KIAA0232: variants seen among roughly 807,000 people sequenced by gnomAD.
KIAA0232 encodes uncharacterized protein KIAA0232.
KIAA0232 carries 27 observed loss-of-function variants against 122.0 expected under a neutral mutation model. That is an observed-to-expected ratio of 0.22 (90% CI 0.16 to 0.31). The LOEUF (loss-of-function observed/expected upper bound fraction) is 0.31. Among genes scored for constraint, KIAA0232 ranks in the 10% least tolerant of loss-of-function variants. The probability of loss-of-function intolerance (pLI) is 1.00; values close to 1 mark genes in which losing one functional copy is unlikely to be tolerated. For synonymous variants in KIAA0232, 613 were observed against 587.6 expected (o/e 1.04, Z -0.63); for missense variants, 1,551 against 1,634.2 (o/e 0.95, Z 0.88).
At chr4:6,823,409 G>A (rs189487410) in intron 2 of KIAA0232, among the ~76,000 whole-genome samples, 3 of 152,230 alleles carry the variant, frequency 2.0e-5, no homozygotes, top group Admixed American at 6.5e-5. Flanking sequence ...TGTAAGAAGT[G>A]TTCCTATTTC....
chr4:6,865,201 G>GT (rs1721105514), intron 7 of KIAA0232, among the ~76,000 whole-genome samples: 2 of 152,162 alleles, frequency 1.3e-5, no homozygotes, highest in African/African-American at 2.4e-5. Flanking sequence ...ACAATAAACT[G>GT]TTTCACAAAA....
chr4:6,863,502 T>C lies in KIAA0232; in HGVS notation c.3120T>C (p.Ser1040=), dbSNP rs377083995. The change falls in exon 7 of 10, where the codon TCT becomes TCC. Residue 1040 remains serine (S), a synonymous_variant. Transcript: ENST00000307659. ...VEDPGLEYSF[S]SFDLSNPFSQ... ...ATCCTGGACTTGAATACTCATTTTC[T>C]TCCTTTGACTTAAGCAATCCATTTT... 7 of 1,614,110 alleles carry C rather than the reference T, an allele frequency of 4.3e-6. No individual in the cohort carries two copies. The highest frequency in any genetic ancestry group is 5.9e-6 in the Non-Finnish European group (7 of 1,180,044).
At chr4:6,792,544 A>G (rs1462486906) in intron 1 of KIAA0232, among the ~76,000 whole-genome samples, 2 of 152,096 alleles carry the variant, frequency 1.3e-5, no homozygotes, top group Non-Finnish European at 2.9e-5. Flanking sequence ...TTAAGCACAG[A>G]TTTTTTATAT....
intron 2 of KIAA0232, among the ~76,000 whole-genome samples, chr4:6,814,247 A>G (rs1718013756): frequency 6.6e-6 from 1 of 152,118 alleles, no homozygotes; most frequent in Admixed American, 6.5e-5. Context: ...CTTTGCACTT[A>G]ACCACCTTGG....
intron 1 of KIAA0232, among the ~76,000 whole-genome samples, chr4:6,790,349 C>T (rs1217890108): frequency 2.1e-5 from 3 of 146,262 alleles, no homozygotes; most frequent in African/African-American, 7.6e-5. Context: ...TTTTCAAGCC[C>T]TTCCTTTTTT....
chr4:6,818,553 GA>G (rs1718252732), intron 2 of KIAA0232, among the ~76,000 whole-genome samples: 1 of 151,906 alleles, frequency 6.6e-6, no homozygotes, highest in South Asian at 2.1e-4. Flanking sequence ...CTGCAAGAAG[GA>G]CGATAAAATC....
Position 6,858,495 on chromosome 4 carries a change from T to C in KIAA0232, c.507T>C (p.Asp169=). Reference sequence around the variant, plus strand: ...CAGAATTATCCCCTCCAGCAAAGGATCAAGTGGAAATGTATGTAAGATTGT... The same window carrying C: ...CAGAATTATCCCCTCCAGCAAAGGACCAAGTGGAAATGTATGTAAGATTGT... ...PEAELSPPAK[D]QVEMYYEAFP... Residue 169 remains aspartate (D), a synonymous_variant, in exon 6 of 10, where the codon GAT becomes GAC. Coordinates refer to ENST00000307659, the MANE Select transcript of KIAA0232 (RefSeq NM_014743.3). 1 of 1,604,066 alleles carries C rather than the reference T, an allele frequency of 6.2e-7. No individual in the cohort carries two copies. Among genetic ancestry groups the C allele is most frequent in the Non-Finnish European group, 8.5e-7 (1 of 1,174,200 alleles).
chr4:6,785,947 C>T (rs1336684023), intron 1 of KIAA0232, among the ~76,000 whole-genome samples: 2 of 152,238 alleles, frequency 1.3e-5, no homozygotes, highest in African/African-American at 4.8e-5. Context: ...CACTCCCACT[C>T]CCTCCAGTTC....
intron 1 of KIAA0232, among the ~76,000 whole-genome samples, chr4:6,785,587 T>G (rs911829708): frequency 6.6e-6 from 1 of 152,258 alleles, no homozygotes; most frequent in South Asian, 2.1e-4. Context: ...TCAGATTACT[T>G]GCTTTGCTTA....
chr4:6,795,149 C>T (rs1717073503), intron 1 of KIAA0232, among the ~76,000 whole-genome samples: 1 of 152,208 alleles, frequency 6.6e-6, no homozygotes, highest in South Asian at 2.1e-4. Context: ...CGGCTTACTG[C>T]AAGCTCCGCC....
intron 6 of KIAA0232, 130 bp downstream of exon 6, chr4:6,858,636 G>A (rs545133152): frequency 1.1e-4 from 67 of 611,082 alleles, no homozygotes; most frequent in Non-Finnish European, 1.6e-4. Context: ...AACATTTATC[G>A]AGCGCTTATA....
chr4:6,875,938 G>A (rs1721726561), intron 8 of KIAA0232, among the ~76,000 whole-genome samples: 1 of 152,146 alleles, frequency 6.6e-6, no homozygotes, highest in Non-Finnish European at 1.5e-5. Flanking sequence ...CCCAGCCCCT[G>A]CCCAGGACAG....
chr4:6,871,967 G>A (rs1322790951), intron 8 of KIAA0232, among the ~76,000 whole-genome samples: 3 of 152,182 alleles, frequency 2.0e-5, no homozygotes, highest in South Asian at 2.1e-4. Flanking sequence ...AGGAAACAGC[G>A]GGCAGTCCCT....
chr4:6,878,220 C>T (rs910174848), intron 9 of KIAA0232, among the ~76,000 whole-genome samples: 6 of 152,054 alleles, frequency 3.9e-5, no homozygotes, highest in African/African-American at 1.2e-4. Flanking sequence ...ACTAAAAATA[C>T]AAAAATTAGC....
intron 3 of KIAA0232, 48 bp from the exon 4 acceptor site, chr4:6,842,019 G>T (rs1436616410): frequency 6.2e-7 from 1 of 1,605,342 alleles, no homozygotes; most frequent in African/African-American, 1.3e-5. Flanking sequence ...GAACATAGTA[G>T]TGTCCAAGTT....
intron 1 of KIAA0232, among the ~76,000 whole-genome samples, chr4:6,796,077 T>G (rs1429248553): frequency 2.0e-5 from 3 of 152,114 alleles, no homozygotes; most frequent in Non-Finnish European, 4.4e-5. Flanking sequence ...GTGTGGTTTG[T>G]GCGTAAGTGA....
chr4:6,839,154 C>G (rs140937353), intron 3 of KIAA0232, among the ~76,000 whole-genome samples: 1 of 152,248 alleles, frequency 6.6e-6, no homozygotes, highest in East Asian at 1.9e-4. Flanking sequence ...GCTAAGGATT[C>G]TTCCTTTCAA....
At chr4:6,820,137 A>AACTGTTGGGT (rs746821859) in intron 2 of KIAA0232, among the ~76,000 whole-genome samples, 1 of 152,132 alleles carries the variant, frequency 6.6e-6, no homozygotes, top group African/African-American at 2.4e-5. Context: ...TGAAAAAACT[A>AACTGTTGGGT]ACTGTTGGGT....
At position 6,784,721 on chromosome 4, in the gene KIAA0232, GCCCGTTA is replaced by G. The variant is rs1466830547; in HGVS notation, c.-354+1882_-354+1888del. 2.0e-5 allele frequency among the ~76,000 whole-genome samples: 3 copies of G among 152,154 alleles called. No individual in the cohort carries two copies. The East Asian group carries it at 5.8e-4, about 29-fold the overall frequency. ...CTTGGGTATAATGGTTTTTATGTAA[GCCCGTTA>G]CATCAGTGAAATGCCAGTTTTTAAA... On this transcript the variant is annotated intron_variant, in intron 1 of 9. Transcript: ENST00000307659.
Sources: allele counts gnomAD v4.1 joint callset (sites outside exome capture counted in the v4.1 genomes callset), GRCh38; gene constraint gnomAD v4.1.1; transcripts MANE v1.5; gene names NCBI Gene and HGNC (gene_info 2026-07-23, HGNC 2026-07-21).